Variants in SH3PXD2A observed in about 807,000 individuals in gnomAD.
The protein encoded by SH3PXD2A is SH3 and PX domain-containing protein 2A.
Under a neutral mutation model 115.2 loss-of-function variants are expected in SH3PXD2A, and 32 were observed. The observed-to-expected ratio is 0.28, with a 90% CI of 0.21 to 0.37. The LOEUF (loss-of-function observed/expected upper bound fraction) is 0.37, where lower values mean the gene tolerates loss of function less well. SH3PXD2A is among the 10% of genes least tolerant of loss of function. SH3PXD2A has a pLI of 1.00. For synonymous variants in SH3PXD2A, 610 were observed against 629.1 expected, an observed-to-expected ratio of 0.97 and a Z score of 0.45; for missense variants, 1,328 against 1,498.7, an observed-to-expected ratio of 0.89 and a Z score of 1.88.
At position 103,738,919 on chromosome 10, in the gene SH3PXD2A, C is replaced by T. The variant is rs534186564; in HGVS notation, c.230-3111G>A. On this transcript the variant is annotated intron_variant, in intron 3 of 14. Transcript: ENST00000369774. ...AAGCAATTCTCCTACTTCAGCCTCC[C>T]GAGTAGCTGGGATTACAGGCATGTG... 4.6e-5 allele frequency among the ~76,000 whole-genome samples: 7 copies of T among 152,170 alleles called. No individual in the cohort carries two copies. In the East Asian group the frequency reaches 5.8e-4, roughly 13 times the overall value.
chr10:103,639,614 A>AAAAAAAAAAAAAGAG (rs2036920524), intron 8 of SH3PXD2A, among the ~76,000 whole-genome samples: 1 of 96,390 alleles, frequency 1.0e-5, no homozygotes, highest in African/African-American at 4.0e-5. Flanking sequence ...GTCTTAAAAA[A>AAAAAAAAAAAAAGAG]AAAAAAAAAA....
At chr10:103,755,835 T>A (rs1023465324) in intron 3 of SH3PXD2A, among the ~76,000 whole-genome samples, 6 of 152,172 alleles carry the variant, frequency 3.9e-5, no homozygotes, top group Middle Eastern at 3.2e-3. Flanking sequence ...ATCTGGCTTC[T>A]CCTGTTTGGG....
At chr10:103,742,090 A>G (rs2038450257) in intron 3 of SH3PXD2A, among the ~76,000 whole-genome samples, 2 of 152,190 alleles carry the variant, frequency 1.3e-5, no homozygotes, top group African/African-American at 4.8e-5. Flanking sequence ...TTGAGGCTGC[A>G]CTGAGTCATG....
intron 2 of SH3PXD2A, among the ~76,000 whole-genome samples, chr10:103,782,026 A>G (rs1307683459): frequency 6.6e-6 from 1 of 152,216 alleles, no homozygotes; most frequent in Non-Finnish European, 1.5e-5. Flanking sequence ...AGCCTCTGGG[A>G]AGTGCTGCAA....
At chr10:103,844,489 C>A (rs533754391) in intron 1 of SH3PXD2A, among the ~76,000 whole-genome samples, 2 of 152,346 alleles carry the variant, frequency 1.3e-5, no homozygotes, top group South Asian at 4.1e-4. Flanking sequence ...GTTTACAAAG[C>A]AGTCACTTCA....
At chr10:103,719,099 G>A (rs2134166003) in intron 5 of SH3PXD2A, among the ~76,000 whole-genome samples, 1 of 152,344 alleles carries the variant, frequency 6.6e-6, no homozygotes, top group East Asian at 1.9e-4. Context: ...CATAAGAACT[G>A]TGAGAATTTT....
intron 1 of SH3PXD2A, among the ~76,000 whole-genome samples, chr10:103,819,656 T>C (rs1212085327): frequency 2.0e-5 from 3 of 151,432 alleles, no homozygotes; most frequent in African/African-American, 7.3e-5. Flanking sequence ...TAGTTTGGGA[T>C]TGGAGAGAGA....
chr10:103,789,536 C>G (rs965372967), intron 2 of SH3PXD2A, among the ~76,000 whole-genome samples: 2 of 150,576 alleles, frequency 1.3e-5, no homozygotes, highest in African/African-American at 4.9e-5. Flanking sequence ...TACGTACACA[C>G]ACACACACAC....
intron 4 of SH3PXD2A, among the ~76,000 whole-genome samples, chr10:103,728,049 C>T (rs970691001): frequency 6.6e-6 from 1 of 152,212 alleles, no homozygotes; most frequent in Non-Finnish European, 1.5e-5. Context: ...GCAACCCCAG[C>T]TTAGGTCTAA....
intron 5 of SH3PXD2A, among the ~76,000 whole-genome samples, chr10:103,707,385 A>G (rs966617241): frequency 6.6e-6 from 1 of 151,918 alleles, no homozygotes. Context: ...TAGTAGAGAT[A>G]GGGGTTTCAC....
In SH3PXD2A at chr10:103,838,045, C is replaced by G. The variant is rs1043789785; in HGVS notation, c.72+17150G>C. On this transcript the variant is annotated intron_variant, in intron 1 of 14. Coordinates refer to ENST00000369774, the MANE Select transcript of SH3PXD2A (RefSeq NM_001394015.1). The stretch of plus-strand genomic sequence containing the variant: ...ACAAGGGAGGCATGGGCATGGTTAG[C>G]TGCGGAAACTGAGCCCCCAGGGTGA... 3.3e-5 allele frequency among the ~76,000 whole-genome samples: 5 copies of G among 152,274 alleles called. 1 individual carries two copies. The South Asian group carries it at 1.0e-3, about 32-fold the overall frequency.
chr10:103,634,702 A>G (rs2036838677), intron 8 of SH3PXD2A, among the ~76,000 whole-genome samples: 1 of 152,260 alleles, frequency 6.6e-6, no homozygotes, highest in South Asian at 2.1e-4. Context: ...GCCAGCCTGC[A>G]TGTACCTGGG....
At chr10:103,825,756 T>A (rs1160346373) in intron 1 of SH3PXD2A, among the ~76,000 whole-genome samples, 1 of 131,662 alleles carries the variant, frequency 7.6e-6, no homozygotes, top group Non-Finnish European at 1.6e-5. Flanking sequence ...ACAGCATCCG[T>A]AACAAATTTT....
At chr10:103,701,020 C>T (rs1251564523) in intron 5 of SH3PXD2A, among the ~76,000 whole-genome samples, 1 of 3,816 alleles carries the variant, frequency 2.6e-4, no homozygotes, top group Non-Finnish European at 3.9e-4. Context: ...TATCCATCCA[C>T]CATCCATCCA....
intron 3 of SH3PXD2A, among the ~76,000 whole-genome samples, chr10:103,762,014 CTTTTTTTTTTTTTT>C (rs79615908): frequency 6.3e-4 from 57 of 90,684 alleles, no homozygotes; most frequent in Non-Finnish European, 7.9e-4. Context: ...ATCAACACGT[CTTTTTTTTTTTTTT>C]TTTTTTTTTT....
At chr10:103,603,821 T>G (rs2036259078) in intron 14 of SH3PXD2A, 32 bp from the exon 15 acceptor site, 6 of 1,567,354 alleles carry the variant, frequency 3.8e-6, no homozygotes, top group Non-Finnish European at 5.2e-6. Context: ...GCCAGTGAGT[T>G]GGGAGGATCT....
At chr10:103,624,998 C>G (rs1325748170) in intron 9 of SH3PXD2A, among the ~76,000 whole-genome samples, 1 of 152,168 alleles carries the variant, frequency 6.6e-6, no homozygotes, top group Non-Finnish European at 1.5e-5. Flanking sequence ...GAGAATCGCC[C>G]TGGGCACGCA....
rs901287215 is a variant in SH3PXD2A, at chr10:103,620,081, G to A, written c.802+2389C>T. Among the ~76,000 whole-genome samples, 1 of 152,230 alleles carries A rather than the reference G, an allele frequency of 6.6e-6. No individual in the cohort carries two copies. The highest frequency in any genetic ancestry group is 6.5e-5 in the Admixed American group (1 of 15,286). Reference sequence around the variant, plus strand: ...TGGGCCACAAACCCCATCTGGGGGCGCCAGACAAGAGGAGGCCCAGACAGA... The same window carrying A: ...TGGGCCACAAACCCCATCTGGGGGCACCAGACAAGAGGAGGCCCAGACAGA... On this transcript the variant is annotated intron_variant, in intron 10 of 14. Coordinates refer to ENST00000369774, the MANE Select transcript of SH3PXD2A (RefSeq NM_001394015.1). The surrounding 1 kb of genome is among the most constrained non-coding windows in gnomAD (Gnocchi z 5.3).
chr10:103,714,990 C>T (rs1180408522), intron 5 of SH3PXD2A, among the ~76,000 whole-genome samples: 1 of 152,210 alleles, frequency 6.6e-6, no homozygotes, highest in African/African-American at 2.4e-5. Flanking sequence ...GCTCCACAGG[C>T]AGCACCAGCC....
Sources: allele counts gnomAD v4.1 joint callset (sites outside exome capture counted in the v4.1 genomes callset), GRCh38; gene constraint gnomAD v4.1.1; non-coding constraint Gnocchi (gnomAD v3.1); transcripts MANE v1.5; gene names NCBI Gene and HGNC (gene_info 2026-07-23, HGNC 2026-07-21).